Variants in PCDHGC4 observed in about 807,000 individuals in gnomAD.
The protein encoded by PCDHGC4 is protocadherin gamma-C4.
A neutral mutation model predicts 59.7 loss-of-function variants in PCDHGC4; 15 were observed. The ratio of observed to expected loss-of-function variants is 0.25; its 90% CI spans 0.17 to 0.39. The LOEUF (loss-of-function observed/expected upper bound fraction) is 0.39. Among genes scored for constraint, PCDHGC4 ranks in the 10% least tolerant of loss-of-function variants. PCDHGC4 has a pLI of 1.00. For missense variants in PCDHGC4, 1,016 were observed against 1,189.5 expected (o/e 0.85, Z 2.15); for synonymous variants, 434 against 481.4 (o/e 0.90, Z 1.29).
chr5:141,496,377 G>A (rs1413938730), intron 2 of PCDHGC4, among the ~76,000 whole-genome samples: 1 of 152,114 alleles, frequency 6.6e-6, no homozygotes, highest in Non-Finnish European at 1.5e-5. Flanking sequence ...CAGGAGCTTG[G>A]GCCACCTTAC....
intron 2 of PCDHGC4, among the ~76,000 whole-genome samples, chr5:141,501,476 A>T (rs1274017343): frequency 3.3e-5 from 5 of 152,044 alleles, no homozygotes; most frequent in Admixed American, 3.3e-4. Context: ...ATCCTGGAAG[A>T]GTCCCTCATA....
intron 2 of PCDHGC4, among the ~76,000 whole-genome samples, chr5:141,496,411 CT>C (rs1266082660): frequency 6.6e-6 from 1 of 152,190 alleles, no homozygotes; most frequent in African/African-American, 2.4e-5. Context: ...TGGTTGAGTA[CT>C]TGCTGTCCAC....
chr5:141,503,400 A>C (rs2099819725), intron 2 of PCDHGC4, among the ~76,000 whole-genome samples: 1 of 151,750 alleles, frequency 6.6e-6, no homozygotes, highest in Non-Finnish European at 1.5e-5. Context: ...TTCGAAACCA[A>C]CCTGGCCAAT....
At chr5:141,499,019 AGGAAGGAAGAAAAG>A (rs2099788655) in intron 2 of PCDHGC4, among the ~76,000 whole-genome samples, 1 of 150,840 alleles carries the variant, frequency 6.6e-6, no homozygotes, top group Non-Finnish European at 1.5e-5. Flanking sequence ...GAAGGAAGGA[AGGAAGGAAGAAAAG>A]AAAGAAAAAG....
rs2099693161 is a variant in PCDHGC4, at chr5:141,489,871, G to T, written c.2442+2256G>T. ...TGAAGCCCAGGCAAGACATCAGCTG[G>T]TGCTTACTGCTGTGGATGGGGGGAC... On this transcript the variant is annotated intron_variant, in intron 1 of 3. Coordinates refer to ENST00000306593, the MANE Select transcript of PCDHGC4 (RefSeq NM_018928.3). This position sits in a 1 kb window ranked among gnomAD's most constrained non-coding sequence, Gnocchi z 4.5. The T allele has an allele frequency of 6.2e-7, 1 of 1,614,088 alleles. No homozygotes were observed. Among genetic ancestry groups the T allele is most frequent in the Non-Finnish European group, 8.5e-7 (1 of 1,180,022 alleles).
chr5:141,490,933 C>T lies in PCDHGC4; in HGVS notation c.2442+3318C>T, dbSNP rs781291690. ...CGAGAATGATAATGCCCCAGCTGTG[C>T]TGCACCCACGGCCAGACTGGGAACA... On this transcript the variant is annotated intron_variant, in intron 1 of 3. Transcript: ENST00000306593. The surrounding 1 kb of genome is among the most constrained non-coding windows in gnomAD (Gnocchi z 5.4). 5.0e-6 allele frequency: 8 copies of T among 1,613,702 alleles called. No individual in the cohort carries two copies. The highest frequency in any genetic ancestry group is 5.9e-6 in the Non-Finnish European group (7 of 1,179,770).
In PCDHGC4 at chr5:141,491,803, C is replaced by T. The variant is rs2099730932; in HGVS notation, c.2443-3004C>T. ...CTTGCATCCACTCCTCTCCGGCCGG[C>T]TTGGTCGCTGGCTGCGCTCCACCCG... On this transcript the variant is annotated intron_variant, in intron 1 of 3. Transcript: ENST00000306593. This position sits in a 1 kb window ranked among gnomAD's most constrained non-coding sequence, Gnocchi z 6.9. 1 of 1,497,820 alleles carries T rather than the reference C, an allele frequency of 6.7e-7. No individual in the cohort carries two copies. Among genetic ancestry groups the T allele is most frequent in the Non-Finnish European group, 8.9e-7 (1 of 1,124,124 alleles). 92.8% of individuals were successfully genotyped at this position (1,497,820 alleles called of 1,614,324 possible).
intron 2 of PCDHGC4, among the ~76,000 whole-genome samples, chr5:141,500,501 G>A (rs571735791): frequency 1.3e-5 from 2 of 152,058 alleles, no homozygotes; most frequent in Non-Finnish European, 2.9e-5. Context: ...GAGCCACCGC[G>A]CCTGGCCGAG....
At position 141,491,127 on chromosome 5, in the gene PCDHGC4, C is replaced by T. The variant is rs2099708654; in HGVS notation, c.2442+3512C>T. On this transcript the variant is annotated intron_variant, in intron 1 of 3. Transcript: ENST00000306593. This position sits in a 1 kb window ranked among gnomAD's most constrained non-coding sequence, Gnocchi z 6.9. ...TGTCTACACACACTGGTGAGGTGCGCACAGCCCGGGCCTTACTGGAGGATG... is the reference window on the plus strand; with the variant it reads ...TGTCTACACACACTGGTGAGGTGCGTACAGCCCGGGCCTTACTGGAGGATG... 1 of 1,614,076 alleles carries T rather than the reference C, an allele frequency of 6.2e-7. No individual in the cohort carries two copies. The highest frequency in any genetic ancestry group is 1.3e-5 in the African/African-American group (1 of 74,942).
At position 141,490,551 on chromosome 5, in the gene PCDHGC4, T is replaced by A; in HGVS notation, c.2442+2936T>A. On this transcript the variant is annotated intron_variant, in intron 1 of 3. Coordinates refer to ENST00000306593, the MANE Select transcript of PCDHGC4 (RefSeq NM_018928.3). This position sits in a 1 kb window ranked among gnomAD's most constrained non-coding sequence, Gnocchi z 5.4. ...CTGGTTCACCTTCCCTACACAAACA[T>A]CTCACCATCAGGCTCAACATTTCAG... is the stretch of plus-strand genomic sequence containing the variant. 1 of 1,614,088 alleles carries A rather than the reference T, an allele frequency of 6.2e-7. No individual in the cohort carries two copies. Among genetic ancestry groups the A allele is most frequent in the East Asian group, 2.2e-5 (1 of 44,874 alleles).
chr5:141,488,450 C>T (rs2154581002), intron 1 of PCDHGC4, among the ~76,000 whole-genome samples: 1 of 152,314 alleles, frequency 6.6e-6, no homozygotes, highest in East Asian at 1.9e-4. Context: ...TCCTGGGTGA[C>T]CTGATTCAGC....
rs576983336 is a variant in PCDHGC4, at chr5:141,489,165, G to A, written c.2442+1550G>A. 5.8e-4 allele frequency: 625 copies of A among 1,082,080 alleles called. 8 individuals are homozygous for A. The South Asian group carries it at 7.9e-3, about 14-fold the overall frequency. The allele number at this position is 1,082,080 out of a possible 1,614,324, so 67.0% of individuals were successfully genotyped here. On this transcript the variant is annotated intron_variant, in intron 1 of 3. Transcript: ENST00000306593. The surrounding 1 kb of genome is among the most constrained non-coding windows in gnomAD (Gnocchi z 4.5). ...GAAGGAGACATAAGAGACTTCAGCT[G>A]CTGCATTCCAAGCCCTGGGTCTACC...
chr5:141,502,535 G>A (rs910160644), intron 2 of PCDHGC4, among the ~76,000 whole-genome samples: 14 of 152,172 alleles, frequency 9.2e-5, no homozygotes, highest in South Asian at 2.1e-4. Flanking sequence ...GAGTTTGTTC[G>A]TGTGGTAAAA....
In PCDHGC4 at chr5:141,485,935, C is replaced by T. The variant is rs2099621642; in HGVS notation, c.762C>T (p.Ser254=). The T allele has an allele frequency of 6.2e-7, 1 of 1,614,026 alleles. No homozygotes were observed. Among genetic ancestry groups the T allele is most frequent in the Non-Finnish European group, 8.5e-7 (1 of 1,180,038 alleles). The change falls in exon 1 of 4, where the codon AGC becomes AGT. Residue 254 remains serine (S), a synonymous_variant. Coordinates refer to ENST00000306593, the MANE Select transcript of PCDHGC4 (RefSeq NM_018928.3). The surrounding 1 kb of genome is among the most constrained non-coding windows in gnomAD (Gnocchi z 5.7). Reference sequence around the variant, plus strand: ...GCTACAGGATTAGTGTGTTGGAGAGCGCACCAGCGGGCATGGTGCTCATCC... The same window carrying T: ...GCTACAGGATTAGTGTGTTGGAGAGTGCACCAGCGGGCATGGTGCTCATCC... ...QSSYRISVLE[S]APAGMVLIQL...
chr5:141,500,175 CA>C (rs762724660), intron 2 of PCDHGC4, among the ~76,000 whole-genome samples: 15 of 147,258 alleles, frequency 1.0e-4, no homozygotes, highest in Non-Finnish European at 1.5e-4. Flanking sequence ...GCATGAGCTT[CA>C]TTTTTATTTT....
At chr5:141,506,247 G>A (rs113270457) in intron 3 of PCDHGC4, among the ~76,000 whole-genome samples, 8,033 of 152,078 alleles carry the variant, frequency 0.053, 470 homozygotes, top group African/African-American at 0.14. Flanking sequence ...TCAGGAGTTC[G>A]AAACCGGCCT....
intron 3 of PCDHGC4, among the ~76,000 whole-genome samples, chr5:141,507,714 C>T (rs1425955843): frequency 6.6e-6 from 1 of 152,280 alleles, no homozygotes; most frequent in Non-Finnish European, 1.5e-5. Flanking sequence ...GCCCCAAACC[C>T]TCCAAGCAAG....
At position 141,486,090 on chromosome 5, in the gene PCDHGC4, G is replaced by C. The variant is rs190955361; in HGVS notation, c.917G>C (p.Gly306Ala). Residue 306 changes from glycine to alanine, a missense_variant, in exon 1 of 4, where the codon GGG (glycine) becomes GCG (alanine). Physicochemically the swap from Gly to Ala is moderately conservative, Grantham distance 60. Transcript: ENST00000306593. The surrounding 1 kb of genome is among the most constrained non-coding windows in gnomAD (Gnocchi z 5.0). ...ACTACTGGAAAGCTTACTCTTTTGG[G>C]GCCCCTAGACTTTGAGAGTGAGAAT... ...HPTTGKLTLL[G>A]PLDFESENYY... 4 of 1,614,086 alleles carry C rather than the reference G, an allele frequency of 2.5e-6. No individual in the cohort carries two copies. The Admixed American group carries it at 6.7e-5, about 27-fold the overall frequency.
In PCDHGC4 at chr5:141,487,954, T is replaced by C. The variant is rs2099669751; in HGVS notation, c.2442+339T>C. On this transcript the variant is annotated intron_variant, in intron 1 of 3. Transcript: ENST00000306593. The surrounding 1 kb of genome is among the most constrained non-coding windows in gnomAD (Gnocchi z 5.0). ...GGGTACAGTGCACCAGGCAGTCACTTGGACAAAGGTGGCTGTTTTCTCTAC... is the reference window on the plus strand; with the variant it reads ...GGGTACAGTGCACCAGGCAGTCACTCGGACAAAGGTGGCTGTTTTCTCTAC... Among the ~76,000 whole-genome samples the C allele has an allele frequency of 6.6e-6, 1 of 152,182 alleles. No homozygotes were observed. The highest frequency in any genetic ancestry group is 1.5e-5 in the Non-Finnish European group (1 of 68,020).
Sources: gnomAD v4.1 joint callset for allele counts (sites outside exome capture counted in the v4.1 genomes callset) on GRCh38, gnomAD v4.1.1 for gene constraint, Gnocchi (gnomAD v3.1) non-coding constraint, MANE v1.5 for transcripts, NCBI Gene and HGNC (gene_info 2026-07-23, HGNC 2026-07-21) for gene names.